Variants in RORA observed in about 807,000 individuals in gnomAD.
RORA encodes the protein nuclear receptor ROR-alpha.
Under a neutral mutation model 69.5 loss-of-function variants are expected in RORA, and 7 were observed. The observed-to-expected ratio is 0.10, with a 90% CI of 0.06 to 0.19. RORA has a LOEUF of 0.19. RORA is among the 10% of genes least tolerant of loss of function. The pLI, the probability that RORA is intolerant of heterozygous loss-of-function variation, is 1.00. For synonymous variants in RORA, 261 were observed against 240.8 expected, an observed-to-expected ratio of 1.08 and a Z score of -0.78; for missense variants, 457 against 663.0, an observed-to-expected ratio of 0.69 and a Z score of 3.41.
intron 1 of RORA, among the ~76,000 whole-genome samples, chr15:61,115,588 G>A (rs2140798153): frequency 6.6e-6 from 1 of 152,286 alleles, no homozygotes; most frequent in Admixed American, 6.5e-5. Context: ...TCCCTCATAA[G>A]GTACCAGTCT....
chr15:61,067,601 C>T (rs2078281709), intron 1 of RORA, among the ~76,000 whole-genome samples: 1 of 152,132 alleles, frequency 6.6e-6, no homozygotes, highest in Non-Finnish European at 1.5e-5. Flanking sequence ...CTTTCCTCTT[C>T]AGATAAGAAA....
At chr15:60,787,840 T>A (rs2072359760) in intron 1 of RORA, among the ~76,000 whole-genome samples, 2 of 152,104 alleles carry the variant, frequency 1.3e-5, no homozygotes, top group East Asian at 3.9e-4. Flanking sequence ...AGAGTGGAAG[T>A]TCATCAGGCA....
chr15:60,811,164 T>C (rs1024084659), intron 1 of RORA, among the ~76,000 whole-genome samples: 4 of 152,182 alleles, frequency 2.6e-5, no homozygotes, highest in Non-Finnish European at 5.9e-5. Context: ...CAAAGGATAA[T>C]TGTCTAGCTC....
At position 61,110,606 on chromosome 15, in the gene RORA, C is replaced by T. The variant is rs764614830; in HGVS notation, c.166+118447G>A. 1.3e-4 allele frequency among the ~76,000 whole-genome samples: 20 copies of T among 151,964 alleles called. No individual in the cohort carries two copies. The South Asian group carries it at 1.7e-3, about 13-fold the overall frequency. ...CAGAAGGAGGCATTGCTGTTATAGG[C>T]GAGGACAGCTCAATGCCTGTTATTG... On this transcript the variant is annotated intron_variant, in intron 1 of 10. Coordinates refer to ENST00000335670, the MANE Select transcript of RORA (RefSeq NM_134261.3).
At chr15:61,001,458 T>C (rs969987983) in intron 1 of RORA, among the ~76,000 whole-genome samples, 1 of 152,248 alleles carries the variant, frequency 6.6e-6, no homozygotes, top group Admixed American at 6.5e-5. Context: ...GCTGGGCTAG[T>C]TTCCTTGAAA....
rs1480069184 is a variant in RORA, at chr15:60,537,187, T to G, written c.197-5336A>C. ...GGAGAGCTGCAGAGTCTTCACCTTA[T>G]TCCCTGGAGGGACTTCAGGAGCACC... is the stretch of plus-strand genomic sequence containing the variant. On this transcript the variant is annotated intron_variant, in intron 2 of 10. Transcript: ENST00000335670. This position sits in a 1 kb window ranked among gnomAD's most constrained non-coding sequence, Gnocchi z 4.9. 6.6e-6 allele frequency among the ~76,000 whole-genome samples: 1 copy of G among 152,304 alleles called. No homozygotes were observed. Among genetic ancestry groups the G allele is most frequent in the Non-Finnish European group, 1.5e-5 (1 of 68,014 alleles).
chr15:60,930,556 T>G (rs927054772), intron 1 of RORA, among the ~76,000 whole-genome samples: 11 of 152,090 alleles, frequency 7.2e-5, no homozygotes, highest in African/African-American at 2.7e-4. Flanking sequence ...GTCCTCAGCC[T>G]CCCCTAGCAG....
intron 1 of RORA, among the ~76,000 whole-genome samples, chr15:60,773,770 G>A (rs1480752642): frequency 2.0e-5 from 3 of 152,140 alleles, no homozygotes; most frequent in African/African-American, 7.2e-5. Context: ...CTCAAGAAAG[G>A]TCAGGTCAGT....
At chr15:60,625,686 G>GA (rs2069557288) in intron 2 of RORA, among the ~76,000 whole-genome samples, 1 of 152,220 alleles carries the variant, frequency 6.6e-6, no homozygotes, top group Non-Finnish European at 1.5e-5. Context: ...GGCGTGAATT[G>GA]AAAAAATCAA....
chr15:60,678,636 G>A (rs1265004611), intron 2 of RORA, 21 bp downstream of exon 2: 4 of 1,596,330 alleles, frequency 2.5e-6, no homozygotes, highest in Non-Finnish European at 3.4e-6. Flanking sequence ...ACTTTGGACA[G>A]AAAAAAAATG....
intron 1 of RORA, among the ~76,000 whole-genome samples, chr15:60,759,458 C>CG (rs1388005590): frequency 6.6e-6 from 1 of 152,080 alleles, no homozygotes. Flanking sequence ...CATCATCAAA[C>CG]GGGGGGCAAC....
chr15:60,574,783 A>T (rs2067979333), intron 2 of RORA, among the ~76,000 whole-genome samples: 1 of 152,218 alleles, frequency 6.6e-6, no homozygotes, highest in African/African-American at 2.4e-5. Flanking sequence ...TAGTGAGGTT[A>T]CATGACTTGC....
intron 2 of RORA, chr15:60,592,890 A>G (rs1399903606): frequency 3.3e-5 from 15 of 457,138 alleles, no homozygotes; most frequent in Non-Finnish European, 6.6e-5. Flanking sequence ...CGGTGGGGCA[A>G]GAGGCTCGCA....
At chr15:61,117,844 T>C (rs2079064421) in intron 1 of RORA, among the ~76,000 whole-genome samples, 2 of 152,186 alleles carry the variant, frequency 1.3e-5, no homozygotes, top group East Asian at 3.8e-4. Context: ...AGACATATTT[T>C]AACACAGAAA....
intron 1 of RORA, among the ~76,000 whole-genome samples, chr15:60,883,451 T>C (rs933387971): frequency 6.6e-6 from 1 of 152,214 alleles, no homozygotes; most frequent in Non-Finnish European, 1.5e-5. Flanking sequence ...TGGAATGGTA[T>C]GCAGCTGTTA....
At chr15:61,110,689 A>ATCCTGATGG (rs1194630977) in intron 1 of RORA, among the ~76,000 whole-genome samples, 4 of 152,106 alleles carry the variant, frequency 2.6e-5, no homozygotes. Flanking sequence ...GATACTGATG[A>ATCCTGATGG]TCCTGATGGT....
intron 1 of RORA, among the ~76,000 whole-genome samples, chr15:61,070,566 T>C (rs1174999294): frequency 6.6e-6 from 1 of 152,266 alleles, no homozygotes; most frequent in Non-Finnish European, 1.5e-5. Flanking sequence ...TACATGCTTA[T>C]TCATCTGCTC....
chr15:60,788,678 G>A (rs2072374484), intron 1 of RORA, among the ~76,000 whole-genome samples: 1 of 152,032 alleles, frequency 6.6e-6, no homozygotes, highest in Admixed American at 6.5e-5. Context: ...TCAGCACCAC[G>A]GGGCTGATTG....
intron 1 of RORA, among the ~76,000 whole-genome samples, chr15:60,785,407 CAG>C (rs1280406891): frequency 6.6e-6 from 1 of 152,150 alleles, no homozygotes; most frequent in African/African-American, 2.4e-5. Flanking sequence ...AATAGGTAAA[CAG>C]AGAAGGGATC....
Sources: allele counts gnomAD v4.1 joint callset (sites outside exome capture counted in the v4.1 genomes callset), GRCh38; gene constraint gnomAD v4.1.1; non-coding constraint Gnocchi (gnomAD v3.1); transcripts MANE v1.5; gene names NCBI Gene and HGNC (gene_info 2026-07-23, HGNC 2026-07-21).